The following ADCY2 variants were observed in gnomAD, a reference collection of about 807,000 sequenced individuals.
ADCY2 encodes the protein adenylate cyclase 2, also known as adenylate cyclase type 2.
In ADCY2, 31 loss-of-function variants were observed where a neutral mutation model predicts 125.2. That is an observed-to-expected ratio of 0.25 (90% CI 0.19 to 0.33). The LOEUF is 0.33. Ranked by LOEUF, ADCY2 falls within the 10% of genes least tolerant of loss-of-function variation. The probability of loss-of-function intolerance (pLI) is 1.00; values close to 1 mark genes in which losing one functional copy is unlikely to be tolerated. For synonymous variants in ADCY2, 512 were observed against 548.4 expected, an observed-to-expected ratio of 0.93 and a Z score of 0.93; for missense variants, 904 against 1,418.2, an observed-to-expected ratio of 0.64 and a Z score of 5.82.
At chr5:7,819,205 A>G (rs918344847) in intron 23 of ADCY2, among the ~76,000 whole-genome samples, 6 of 152,040 alleles carry the variant, frequency 3.9e-5, no homozygotes, top group East Asian at 1.9e-4. Context: ...GCCTTTCCCA[A>G]TCCACTCACT....
chr5:7,598,529 T>C, intron 3 of ADCY2, among the ~76,000 whole-genome samples: 1 of 152,228 alleles, frequency 6.6e-6, no homozygotes, highest in Non-Finnish European at 1.5e-5. Context: ...TGGGGGGTTC[T>C]GGAATTTTGT....
intron 3 of ADCY2, among the ~76,000 whole-genome samples, chr5:7,578,678 G>A (rs898215234): frequency 1.3e-5 from 2 of 152,176 alleles, no homozygotes; most frequent in African/African-American, 4.8e-5. Context: ...AGTAGGAACT[G>A]TCTTAAAGCT....
chr5:7,662,588 G>A lies in ADCY2; in HGVS notation c.721-28103G>A, dbSNP rs186000774. 2.0e-3 allele frequency among the ~76,000 whole-genome samples: 301 copies of A among 152,304 alleles called. 3 individuals are homozygous for A. The South Asian group carries it at 0.021, about 11-fold the overall frequency. On this transcript the variant is annotated intron_variant, in intron 4 of 24. Coordinates refer to ENST00000338316, the MANE Select transcript of ADCY2 (RefSeq NM_020546.3). ...AATTTATAGTGCTGGGACCATGGAT[G>A]TTTTAGTAGCATTTCACACAGCTTA...
At chr5:7,513,207 A>T (rs115463489) in intron 2 of ADCY2, among the ~76,000 whole-genome samples, 11,132 of 152,134 alleles carry the variant, frequency 0.073, 549 homozygotes, top group South Asian at 0.12. Flanking sequence ...GGGTAATCAT[A>T]AAGAGATACT....
At chr5:7,503,304 G>T (rs13157642) in intron 2 of ADCY2, among the ~76,000 whole-genome samples, 1 of 151,994 alleles carries the variant, frequency 6.6e-6, no homozygotes, top group Non-Finnish European at 1.5e-5. Flanking sequence ...AGTATGCAGT[G>T]AATTAGGTAT....
chr5:7,547,846 G>A (rs1426845415), intron 3 of ADCY2, among the ~76,000 whole-genome samples: 2 of 152,168 alleles, frequency 1.3e-5, no homozygotes, highest in Non-Finnish European at 2.9e-5. Flanking sequence ...TATGCAAGTC[G>A]TCCGTCCTGG....
rs1451958196 is a variant in ADCY2 at position 7,804,956 on chromosome 5, A to G, written c.2883+264A>G. On this transcript the variant is annotated intron_variant, in intron 22 of 24. Coordinates refer to ENST00000338316, the MANE Select transcript of ADCY2 (RefSeq NM_020546.3). Reference sequence around the variant, plus strand: ...TTACCAGATAAATACACAATGAAGTAGAAGATGAAAGCTAGTTATTTGAAG... The same window carrying G: ...TTACCAGATAAATACACAATGAAGTGGAAGATGAAAGCTAGTTATTTGAAG... Among the ~76,000 whole-genome samples the G allele has an allele frequency of 2.0e-5, 3 of 152,170 alleles. 1 individual carries two copies. Among genetic ancestry groups the G allele is most frequent in the African/African-American group, 7.2e-5 (3 of 41,436 alleles).
In ADCY2 at chr5:7,802,211, C is replaced by T; in HGVS notation, c.2629-7C>T. Reference sequence around the variant, plus strand: ...TAGTGATCAGCTCTTGCTTTTCTCCCAAGCAGGAGCTATACCACCAGTCCT... The same window carrying T: ...TAGTGATCAGCTCTTGCTTTTCTCCTAAGCAGGAGCTATACCACCAGTCCT... On this transcript the variant is annotated splice_region_variant and splice_polypyrimidine_tract_variant and intron_variant, in intron 20 of 24. Coordinates refer to ENST00000338316, the MANE Select transcript of ADCY2 (RefSeq NM_020546.3). This position sits in a 1 kb window ranked among gnomAD's most constrained non-coding sequence, Gnocchi z 4.6. 4 of 1,612,804 alleles carry T rather than the reference C, an allele frequency of 2.5e-6. No homozygotes were observed. The South Asian group carries it at 3.3e-5, about 13-fold the overall frequency.
At chr5:7,737,217 A>G (rs1170956488) in intron 14 of ADCY2, among the ~76,000 whole-genome samples, 1 of 152,210 alleles carries the variant, frequency 6.6e-6, no homozygotes, top group Non-Finnish European at 1.5e-5. Flanking sequence ...ACAGAATGAG[A>G]GAAAAGCTGA....
At chr5:7,440,824 G>A (rs1380076140) in intron 2 of ADCY2, among the ~76,000 whole-genome samples, 2 of 152,156 alleles carry the variant, frequency 1.3e-5, no homozygotes, top group African/African-American at 2.4e-5. Flanking sequence ...CAGAAAAAGA[G>A]CAGTGTGGCC....
intron 7 of ADCY2, among the ~76,000 whole-genome samples, chr5:7,702,154 G>T (rs1741099627): frequency 6.6e-6 from 1 of 152,016 alleles, no homozygotes; most frequent in Admixed American, 6.6e-5. Context: ...AGCTTTGGGA[G>T]GCCGAGGTGG....
chr5:7,618,149 C>A (rs1027318603), intron 3 of ADCY2, among the ~76,000 whole-genome samples: 1 of 152,144 alleles, frequency 6.6e-6, no homozygotes. Flanking sequence ...ATGTTTAAAT[C>A]CCCAGGTGAG....
chr5:7,738,371 G>A (rs1560926463), intron 14 of ADCY2, among the ~76,000 whole-genome samples: 2 of 151,688 alleles, frequency 1.3e-5, no homozygotes, highest in African/African-American at 2.4e-5. Context: ...AAGAGGAAAT[G>A]AAAAATACTT....
intron 24 of ADCY2, among the ~76,000 whole-genome samples, chr5:7,825,911 C>T (rs542618310): frequency 2.6e-5 from 4 of 152,368 alleles, no homozygotes; most frequent in Admixed American, 6.5e-5. Flanking sequence ...AGCAAGTTCA[C>T]GGCCATCCGA....
chr5:7,492,888 G>GTAGTGA (rs1743213983), intron 2 of ADCY2, among the ~76,000 whole-genome samples: 1 of 152,156 alleles, frequency 6.6e-6, no homozygotes, highest in African/African-American at 2.4e-5. Context: ...CAGTGGTGCA[G>GTAGTGA]TAGTGATGCT....
chr5:7,724,451 T>A, intron 12 of ADCY2, 94 bp from the exon 13 acceptor site: 19 of 863,416 alleles, frequency 2.2e-5, no homozygotes, highest in Middle Eastern at 2.4e-4. Context: ...TGATACACAA[T>A]AAAGAAAGAA....
intron 2 of ADCY2, among the ~76,000 whole-genome samples, chr5:7,501,366 T>G (rs192517714): frequency 2.0e-4 from 31 of 152,294 alleles, no homozygotes; most frequent in Admixed American, 1.6e-3. Flanking sequence ...ATTAACAACC[T>G]TGAGGCATAA....
intron 2 of ADCY2, among the ~76,000 whole-genome samples, chr5:7,456,045 A>G (rs185873283): frequency 6.6e-6 from 1 of 151,560 alleles, no homozygotes; most frequent in East Asian, 1.9e-4. Flanking sequence ...CTTGAGATAA[A>G]CTATTTTATA....
intron 3 of ADCY2, among the ~76,000 whole-genome samples, chr5:7,525,341 C>A (rs1047006048): frequency 5.9e-5 from 9 of 152,262 alleles, no homozygotes; most frequent in African/African-American, 2.2e-4. Flanking sequence ...CACATTGTCT[C>A]TGGTTTGTGC....
Sources: allele counts gnomAD v4.1 joint callset (sites outside exome capture counted in the v4.1 genomes callset), GRCh38; gene constraint gnomAD v4.1.1; non-coding constraint Gnocchi (gnomAD v3.1); transcripts MANE v1.5; gene names NCBI Gene and HGNC (gene_info 2026-07-23, HGNC 2026-07-21).